Variants in TNKS2 observed in about 807,000 individuals in gnomAD.
TNKS2 encodes poly [ADP-ribose] polymerase tankyrase-2.
Under a neutral mutation model 137.6 loss-of-function variants are expected in TNKS2, and 72 were observed. That is an observed-to-expected ratio of 0.52 (90% CI 0.43 to 0.64). TNKS2 has a LOEUF of 0.64. Ranked by LOEUF, TNKS2 falls within the 30% of genes least tolerant of loss-of-function variation. TNKS2 has a pLI of 0.00. For synonymous variants in TNKS2, 516 were observed against 512.1 expected (o/e 1.01, Z -0.10); for missense variants, 1,049 against 1,410.2 (o/e 0.74, Z 4.10).
At chr10:91,858,704 A>G (rs61337020) in intron 24 of TNKS2, among the ~76,000 whole-genome samples, 1,545 of 152,296 alleles carry the variant, frequency 0.01, 15 homozygotes, top group African/African-American at 0.035. Context: ...GGTATAAGAA[A>G]GAGAATAAGA....
chr10:91,809,690 C>G (rs1368696855), intron 1 of TNKS2, among the ~76,000 whole-genome samples: 2 of 152,036 alleles, frequency 1.3e-5, no homozygotes, highest in Non-Finnish European at 2.9e-5. Context: ...AAATCTTAGC[C>G]CTTATCATCT....
rs577746831 is a variant in TNKS2, at chr10:91,824,589, C to T, written c.795+2227C>T. On this transcript the variant is annotated intron_variant, in intron 7 of 26. Coordinates refer to ENST00000371627, the MANE Select transcript of TNKS2 (RefSeq NM_025235.4). ...TTTGCTTGGAAGGGACTGTTGGAAC[C>T]TCCAGTAGGGCCTGAAGTTTCTATC... 4.6e-5 allele frequency among the ~76,000 whole-genome samples: 7 copies of T among 152,310 alleles called. No individual in the cohort carries two copies. The East Asian group carries it at 1.3e-3, about 29-fold the overall frequency.
chr10:91,859,411 TTATTC>T (rs776138943), intron 24 of TNKS2, 46 bp from the exon 25 acceptor site: 1 of 1,372,396 alleles, frequency 7.3e-7, no homozygotes. Context: ...TTTTTACTTT[TTATTC>T]TAAGATAAAT....
rs1841904819 is a variant in TNKS2, at chr10:91,833,915, AC to A, written c.1339del (p.Gln447LysfsTer7). 1 of 1,613,970 alleles carries A rather than the reference AC, an allele frequency of 6.2e-7. No homozygotes were observed. On this transcript the variant is annotated frameshift_variant, in exon 12 of 27. Transcript: ENST00000371627. LOFTEE classifies it high-confidence loss of function. ...ACAGAGCTGCATATTGTGGTCATCT[AC>A]AAACCTGCCGCCTACTCCTGAGCTA... ...LHRAAYCGHL[Q>X]TCRLLLSYGC...
chr10:91,862,888 T>G (rs1842888351), intron 26 of TNKS2, 49 bp from the exon 27 acceptor site: 1 of 1,409,802 alleles, frequency 7.1e-7, no homozygotes, highest in African/African-American at 1.4e-5. Flanking sequence ...TCTGTTTATC[T>G]TTCAAGAAAA....
At chr10:91,840,729 G>A (rs1432823075) in intron 14 of TNKS2, 23 bp downstream of exon 14, 2 of 1,595,610 alleles carry the variant, frequency 1.3e-6, no homozygotes, top group South Asian at 1.1e-5. Flanking sequence ...GATTGTTATG[G>A]ACTCTCTTCC....
In TNKS2 at chr10:91,819,654, G is replaced by C. The variant is rs146531243; in HGVS notation, c.633+97G>C. ...ATAAATTGAAACATATTTGAAGAGA[G>C]TGCTGATGTTTTAAGTGTTTCAGTA... is the stretch of plus-strand genomic sequence containing the variant. On this transcript the variant is annotated intron_variant, in intron 5 of 26. Transcript: ENST00000371627. 7.6e-4 allele frequency: 754 copies of C among 985,888 alleles called. 3 individuals carry two copies. The African/African-American group carries it at 0.011, about 15-fold the overall frequency. The allele number at this position is 985,888 out of a possible 1,614,324, so 61.1% of individuals were successfully genotyped here. A position where few individuals can be genotyped will look rare whatever the true frequency, so the allele number is the denominator to read the frequency against.
chr10:91,806,706 A>G (rs142045188), intron 1 of TNKS2, among the ~76,000 whole-genome samples: 4,400 of 152,296 alleles, frequency 0.029, 193 homozygotes, highest in East Asian at 0.21. Context: ...AATGCATACT[A>G]TGGTGTGGGG....
chr10:91,813,476 GA>G (rs1246255912), intron 2 of TNKS2, among the ~76,000 whole-genome samples: 3 of 152,190 alleles, frequency 2.0e-5, no homozygotes, highest in African/African-American at 7.2e-5. Context: ...AGGCATGGTG[GA>G]AGGGAACAGA....
At chr10:91,840,014 T>G (rs968956150) in intron 13 of TNKS2, among the ~76,000 whole-genome samples, 16 of 152,112 alleles carry the variant, frequency 1.1e-4, no homozygotes, top group African/African-American at 3.6e-4. Context: ...ATGATAAAAT[T>G]TACCCTTGAG....
At chr10:91,850,103 C>T (rs112267587) in intron 20 of TNKS2, among the ~76,000 whole-genome samples, 107 of 152,208 alleles carry the variant, frequency 7.0e-4, no homozygotes, top group Middle Eastern at 3.4e-3. Context: ...CAGTGGCTCA[C>T]GCCTGTAATC....
chr10:91,833,611 T>G (rs1393603984), intron 11 of TNKS2, among the ~76,000 whole-genome samples: 1 of 152,202 alleles, frequency 6.6e-6, no homozygotes, highest in Non-Finnish European at 1.5e-5. Flanking sequence ...GCTTTAATGA[T>G]AAACACAATT....
intron 21 of TNKS2, 83 bp from the exon 22 acceptor site, chr10:91,854,944 CAG>C: frequency 1.7e-6 from 1 of 584,290 alleles, no homozygotes; most frequent in Non-Finnish European, 2.9e-6. Flanking sequence ...TAGTAAGAAT[CAG>C]AAAAATTAGG....
chr10:91,798,886 G>C lies in TNKS2; in HGVS notation c.196G>C (p.Ala66Pro). 1 of 1,374,358 alleles carries C rather than the reference G, an allele frequency of 7.3e-7. No homozygotes were observed. Among genetic ancestry groups the C allele is most frequent in the Non-Finnish European group, 9.5e-7 (1 of 1,055,156 alleles). The allele number at this position is 1,374,358 out of a possible 1,614,324, so 85.1% of individuals were successfully genotyped here. A position where few individuals can be genotyped will look rare whatever the true frequency, so the allele number is the denominator to read the frequency against. Reference sequence around the variant, plus strand: ...GAAATCCACCCCGCTGCACTTCGCCGCAGGTAACCGGGGCCAGCGTCCCCT... The same window carrying C: ...GAAATCCACCCCGCTGCACTTCGCCCCAGGTAACCGGGGCCAGCGTCCCCT... ...GRKSTPLHFAAGFGRKDVVEY... is the reference protein window; with the variant it reads ...GRKSTPLHFAPGFGRKDVVEY... The change falls in exon 1 of 27, where the codon GCA becomes CCA. Residue 66 changes from alanine (A) to proline (P), a missense_variant. Physicochemically the swap from Ala to Pro is conservative, Grantham distance 27. Transcript: ENST00000371627.
chr10:91,808,196 G>T (rs1844391775), intron 1 of TNKS2, among the ~76,000 whole-genome samples: 1 of 151,688 alleles, frequency 6.6e-6, no homozygotes. Context: ...ATTTTAGATG[G>T]GATGGTCAGG....
chr10:91,826,899 A>G (rs146361764), intron 7 of TNKS2, 118 bp from the exon 8 acceptor site: 149 of 1,015,866 alleles, frequency 1.5e-4, no homozygotes, highest in Non-Finnish European at 1.7e-4. Context: ...AATTGGCTCA[A>G]AAAGTGAACT....
chr10:91,820,103 A>G, intron 6 of TNKS2, 70 bp downstream of exon 6: 1 of 1,047,716 alleles, frequency 9.5e-7, no homozygotes, highest in Non-Finnish European at 1.4e-6. Context: ...TTGTAACCTT[A>G]GAAAAATAAT....
At chr10:91,845,719 A>G (rs1564624631) in intron 17 of TNKS2, 33 bp from the exon 18 acceptor site, 7 of 1,416,346 alleles carry the variant, frequency 4.9e-6, no homozygotes, top group Non-Finnish European at 5.6e-6. Flanking sequence ...ACAAAATAAT[A>G]TTTCAGACTG....
At chr10:91,801,138 T>C (rs550875894) in intron 1 of TNKS2, among the ~76,000 whole-genome samples, 4 of 152,318 alleles carry the variant, frequency 2.6e-5, no homozygotes, top group Non-Finnish European at 5.9e-5. Flanking sequence ...CCAAGTAATA[T>C]TAGGACTGAG....
Sources: gnomAD v4.1 joint callset for allele counts (sites outside exome capture counted in the v4.1 genomes callset) on GRCh38, gnomAD v4.1.1 for gene constraint, MANE v1.5 for transcripts, NCBI Gene and HGNC (gene_info 2026-07-23, HGNC 2026-07-21) for gene names.